The following CDKL1 variants were observed in gnomAD, a reference collection of about 807,000 sequenced individuals.
CDKL1 encodes the protein cyclin-dependent kinase-like 1.
CDKL1 carries 41 observed loss-of-function variants against 42.0 expected under a neutral mutation model. The observed-to-expected ratio is 0.98, with a 90% CI of 0.76 to 1.27. The LOEUF (loss-of-function observed/expected upper bound fraction) is 1.27. Among genes scored for constraint, CDKL1 ranks in the 50% most tolerant of loss-of-function variants. The pLI, the probability that CDKL1 is intolerant of heterozygous loss-of-function variation, is 0.00. For missense variants in CDKL1, 394 were observed against 428.4 expected, an observed-to-expected ratio of 0.92 and a Z score of 0.71; for synonymous variants, 153 against 158.6, an observed-to-expected ratio of 0.96 and a Z score of 0.26.
In CDKL1 at chr14:50,385,665, G is replaced by A. The variant is rs369329330; in HGVS notation, c.168+10036C>T. 5.7e-4 allele frequency among the ~76,000 whole-genome samples: 87 copies of A among 151,994 alleles called. 2 individuals are homozygous for A. The South Asian group carries it at 0.015, about 27-fold the overall frequency. ...CTAAAAATACAAACATTAGCCAGGC[G>A]CGGTGGCAGGTGCCTGTAATCCCAG... On this transcript the variant is annotated intron_variant, in intron 2 of 9. Transcript: ENST00000395834.
In CDKL1 at chr14:50,359,036, G is replaced by A; in HGVS notation, c.282C>T (p.Tyr94=). ...AGGGATGGATCACTCACCCTCTTTG[G>A]TATCTGTCCAACTCATGGAGAACTG... ...DHTVLHELDR[Y]QRGVPEHLVK... Residue 94 remains tyrosine, a synonymous_variant, in exon 3 of 10, where the codon TAC becomes TAT. Coordinates refer to ENST00000395834, the MANE Select transcript of CDKL1 (RefSeq NM_004196.7). 1 of 1,611,640 alleles carries A rather than the reference G, an allele frequency of 6.2e-7. No individual in the cohort carries two copies. Among genetic ancestry groups the A allele is most frequent in the East Asian group, 2.2e-5 (1 of 44,826 alleles).
rs555628844 is a variant in CDKL1, at chr14:50,334,630, A to G, written c.739-9T>C. The G allele has an allele frequency of 5.5e-5, 86 of 1,550,180 alleles. 3 individuals are homozygous for G. The South Asian group carries it at 9.5e-4, about 17-fold the overall frequency. On this transcript the variant is annotated splice_polypyrimidine_tract_variant and intron_variant, in intron 7 of 9. Transcript: ENST00000395834. ...TTTAATTCAAGTGGTTCCTGTTGAA[A>G]AGAAAAGAGGTTTTTAATTTACAGC...
At chr14:50,335,862 A>G in intron 7 of CDKL1, 1 of 1,272,680 alleles carries the variant, frequency 7.9e-7, no homozygotes, top group South Asian at 1.5e-5. Flanking sequence ...ACACATACTA[A>G]TCATTGATAA....
chr14:50,366,112 TG>T (rs1395046869), intron 2 of CDKL1, among the ~76,000 whole-genome samples: 2 of 152,188 alleles, frequency 1.3e-5, no homozygotes, highest in African/African-American at 4.8e-5. Context: ...TCTATCCTAT[TG>T]GTTCTGTCCC....
At chr14:50,330,276 AG>A in intron 9 of CDKL1, 95 bp from the exon 10 acceptor site, 1 of 1,436,806 alleles carries the variant, frequency 7.0e-7, no homozygotes, top group Non-Finnish European at 9.2e-7. Context: ...TAAGCTTTTT[AG>A]TATAGAAGTA....
chr14:50,391,858 CA>C (rs905672580), intron 2 of CDKL1, among the ~76,000 whole-genome samples: 1 of 151,986 alleles, frequency 6.6e-6, no homozygotes, highest in Non-Finnish European at 1.5e-5. Context: ...AAAACAACCA[CA>C]AAAAAAACCT....
chr14:50,383,179 G>A (rs557006773), intron 2 of CDKL1, among the ~76,000 whole-genome samples: 5 of 151,878 alleles, frequency 3.3e-5, no homozygotes, highest in Admixed American at 6.5e-5. Flanking sequence ...CATCTGCCTC[G>A]GCCTCCCAAA....
intron 2 of CDKL1, chr14:50,362,067 G>C (rs932112446): frequency 4.4e-6 from 1 of 226,576 alleles, no homozygotes; most frequent in African/African-American, 2.4e-5. Flanking sequence ...CTTAGCACCT[G>C]GGCCAGCAGC....
intron 2 of CDKL1, chr14:50,390,158 CTT>C (rs1485346209): frequency 7.3e-7 from 1 of 1,366,118 alleles, no homozygotes; most frequent in Non-Finnish European, 9.8e-7. Context: ...GATTCCTTCT[CTT>C]TGTCTCACTT....
rs2032850074 is a variant in CDKL1 at position 50,330,046 on chromosome 14, T to C, written c.*28A>G. ...TTTCTTCAAAGCATCTATTGATTCC[T>C]TTTTTAAAATCATGTCTCCTAGCTC... On this transcript the variant is annotated 3_prime_UTR_variant, in exon 10 of 10. Transcript: ENST00000395834. 2 of 1,598,750 alleles carry C rather than the reference T, an allele frequency of 1.3e-6. No homozygotes were observed. Among genetic ancestry groups the C allele is most frequent in the Non-Finnish European group, 1.7e-6 (2 of 1,176,068 alleles).
intron 2 of CDKL1, among the ~76,000 whole-genome samples, chr14:50,387,128 G>C (rs986426105): frequency 1.3e-5 from 2 of 148,444 alleles, no homozygotes; most frequent in Non-Finnish European, 3.0e-5. Context: ...GATCACCTGA[G>C]CCCTGGAGAT....
intron 2 of CDKL1, among the ~76,000 whole-genome samples, chr14:50,385,888 T>C (rs181843981): frequency 3.7e-4 from 56 of 151,694 alleles, no homozygotes; most frequent in African/African-American, 1.1e-3. Context: ...CATTTATATA[T>C]ATAGTTATTT....
chr14:50,365,895 G>A (rs2034424306), intron 2 of CDKL1, among the ~76,000 whole-genome samples: 1 of 152,196 alleles, frequency 6.6e-6, no homozygotes, highest in Non-Finnish European at 1.5e-5. Flanking sequence ...TCGAACATTA[G>A]ACTCCAAGTT....
At chr14:50,352,959 T>G (rs972493525) in intron 3 of CDKL1, among the ~76,000 whole-genome samples, 14 of 152,232 alleles carry the variant, frequency 9.2e-5, no homozygotes, top group Non-Finnish European at 1.6e-4. Context: ...AGAATTTGGA[T>G]GAGGGAAAGT....
At chr14:50,360,064 T>C (rs750614015) in intron 2 of CDKL1, among the ~76,000 whole-genome samples, 2 of 152,202 alleles carry the variant, frequency 1.3e-5, no homozygotes, top group Non-Finnish European at 2.9e-5. Context: ...CCTACTGTTG[T>C]ACGATTTAAC....
chr14:50,335,981 T>C (rs1287996740), intron 7 of CDKL1: 2 of 1,366,698 alleles, frequency 1.5e-6, no homozygotes, highest in Non-Finnish European at 2.0e-6. Context: ...TGTTGCACCC[T>C]CATACTTCCA....
chr14:50,359,278 C>T, intron 2 of CDKL1, 129 bp from the exon 3 acceptor site: 1 of 1,039,664 alleles, frequency 9.6e-7, no homozygotes, highest in Non-Finnish European at 1.4e-6. Flanking sequence ...AGGCTGTAAA[C>T]AGTATCATCT....
intron 2 of CDKL1, among the ~76,000 whole-genome samples, chr14:50,372,261 G>A (rs574033834): frequency 1.7e-4 from 26 of 152,246 alleles, no homozygotes; most frequent in Admixed American, 7.2e-4. Flanking sequence ...GGGATTACAG[G>A]CGTGCACCAC....
chr14:50,359,823 G>C (rs1216113223), intron 2 of CDKL1, among the ~76,000 whole-genome samples: 1 of 141,366 alleles, frequency 7.1e-6, no homozygotes, highest in African/African-American at 2.7e-5. Context: ...AAAAGCCCAG[G>C]ACTGAATGTT....
Sources: gnomAD v4.1 joint callset for allele counts (sites outside exome capture counted in the v4.1 genomes callset) on GRCh38, gnomAD v4.1.1 for gene constraint, MANE v1.5 for transcripts, NCBI Gene and HGNC (gene_info 2026-07-23, HGNC 2026-07-21) for gene names.